HGD: variants seen among roughly 807,000 people sequenced by gnomAD.
The protein encoded by HGD is homogentisate 1,2-dioxygenase.
A neutral mutation model predicts 60.8 loss-of-function variants in HGD; 61 were observed. The observed-to-expected ratio is 1.00, with a 90% CI of 0.82 to 1.24. The LOEUF (loss-of-function observed/expected upper bound fraction) is 1.24, where lower values mean the gene tolerates loss of function less well. Among genes scored for constraint, HGD ranks in the 50% most tolerant of loss-of-function variants. The pLI, the probability that HGD is intolerant of heterozygous loss-of-function variation, is 0.00. For synonymous variants in HGD, 212 were observed against 187.7 expected, an observed-to-expected ratio of 1.13 and a Z score of -1.06; for missense variants, 542 against 547.1, an observed-to-expected ratio of 0.99 and a Z score of 0.09.
intron 4 of HGD, among the ~76,000 whole-genome samples, chr3:120,663,312 A>T (rs936815316): frequency 1.3e-5 from 2 of 152,140 alleles, no homozygotes; most frequent in Non-Finnish European, 2.9e-5. Flanking sequence ...GTCCATTTTT[A>T]TGCTGCTGAT....
chr3:120,630,857 C>T (rs1326465113), intron 13 of HGD, among the ~76,000 whole-genome samples: 3 of 147,814 alleles, frequency 2.0e-5, no homozygotes, highest in Non-Finnish European at 1.5e-5. Flanking sequence ...CACACACACA[C>T]ACACACACAC....
chr3:120,668,869 C>T lies in HGD; in HGVS notation c.282+1558G>A, dbSNP rs567067684. On this transcript the variant is annotated intron_variant, in intron 4 of 13. Transcript: ENST00000283871. ...TCCTGCCCTACATACCTATTATCAG[C>T]AACATGTACCTAAACTCAGGGACAA... Among the ~76,000 whole-genome samples the T allele has an allele frequency of 3.5e-4, 54 of 152,236 alleles. 1 individual carries two copies. The South Asian group carries it at 0.011, about 32-fold the overall frequency.
intron 3 of HGD, chr3:120,674,679 AT>A: frequency 2.0e-6 from 1 of 505,474 alleles, no homozygotes; most frequent in Non-Finnish European, 3.7e-6. Context: ...GGACATGTGT[AT>A]TTTCCCAGCT....
Position 120,646,248 on chromosome 3 carries a change from G to A in HGD, c.649+19C>T, listed in dbSNP as rs776007152. 7.0e-7 allele frequency: 1 copy of A among 1,433,322 alleles called. No individual in the cohort carries two copies. The highest frequency in any genetic ancestry group is 1.1e-5 in the South Asian group (1 of 87,424). 88.8% of individuals were successfully genotyped at this position (1,433,322 alleles called of 1,614,324 possible). ...CCTACATCTCAAGCGAGGCTTAGAG[G>A]CTTGTAATGAAGATTTACCAATTGG... On this transcript the variant is annotated intron_variant, in intron 9 of 13. Coordinates refer to ENST00000283871, the MANE Select transcript of HGD (RefSeq NM_000187.4).
chr3:120,654,406 C>T (rs1207269768), intron 4 of HGD, among the ~76,000 whole-genome samples: 1 of 152,152 alleles, frequency 6.6e-6, no homozygotes, highest in East Asian at 1.9e-4. Context: ...TATAAAAGTT[C>T]TTCTAATGTG....
intron 11 of HGD, among the ~76,000 whole-genome samples, chr3:120,640,845 A>G (rs1011300607): frequency 2.0e-5 from 3 of 152,306 alleles, no homozygotes; most frequent in Non-Finnish European, 1.5e-5. Context: ...CTGGCTCACA[A>G]TAATCCTTTT....
chr3:120,632,307 G>A (rs528384144), intron 13 of HGD, among the ~76,000 whole-genome samples: 1 of 152,110 alleles, frequency 6.6e-6, no homozygotes, highest in Admixed American at 6.5e-5. Flanking sequence ...AGCATTGAAG[G>A]CATTTATTTT....
chr3:120,642,606 A>G (rs1459276960), intron 10 of HGD, among the ~76,000 whole-genome samples: 1 of 152,212 alleles, frequency 6.6e-6, no homozygotes, highest in Non-Finnish European at 1.5e-5. Flanking sequence ...TTTTCTAGCT[A>G]CCAGTATGAC....
At chr3:120,680,707 C>T (rs1240686091) in intron 1 of HGD, among the ~76,000 whole-genome samples, 1 of 152,166 alleles carries the variant, frequency 6.6e-6, no homozygotes, top group Non-Finnish European at 1.5e-5. Context: ...ATCCATAAAT[C>T]CAACCACCGC....
intron 1 of HGD, among the ~76,000 whole-genome samples, chr3:120,678,690 A>T (rs889370518): frequency 6.6e-6 from 1 of 152,240 alleles, no homozygotes; most frequent in African/African-American, 2.4e-5. Context: ...GCTGCAGGGC[A>T]TTGGCTAAAG....
In HGD at chr3:120,650,774, C is replaced by T; in HGVS notation, c.434G>A (p.Arg145Lys). 6.2e-7 allele frequency: 1 copy of T among 1,611,988 alleles called. No homozygotes were observed. ...IFLCNTSMENRCFYNSDGDFL... is the reference protein window; with the variant it reads ...IFLCNTSMENKCFYNSDGDFL... ...CCTTCCCTAGAACTGAGCCACTTAC[C>T]TGTTCTCCATGGAGGTATTGCAGAG... The change falls in exon 6 of 14, where the codon AGA (arginine) becomes AAA (lysine). Residue 145 changes from arginine to lysine, a missense_variant and splice_region_variant. By Grantham distance (26) the Arg-to-Lys change is conservative. Coordinates refer to ENST00000283871, the MANE Select transcript of HGD (RefSeq NM_000187.4).
chr3:120,638,736 T>C (rs1230668042), intron 11 of HGD, among the ~76,000 whole-genome samples, 155 bp from the exon 12 acceptor site: 1 of 152,198 alleles, frequency 6.6e-6, no homozygotes, highest in African/African-American at 2.4e-5. Context: ...GGGATACATA[T>C]GCAGTTTTGT....
At chr3:120,630,825 T>TATATATATATATATATATATATATACAC (rs1491569082) in intron 13 of HGD, among the ~76,000 whole-genome samples, 2 of 104,120 alleles carry the variant, frequency 1.9e-5, no homozygotes, top group Non-Finnish European at 1.8e-5. Context: ...TATATATATA[T>TATATATATATATATATATATATATACAC]ACACATACAC....
At chr3:120,633,545 T>C in intron 12 of HGD, 1 of 1,484,090 alleles carries the variant, frequency 6.7e-7, no homozygotes, top group South Asian at 1.2e-5. Context: ...CCATGTGGAT[T>C]ATCAGAGGTC....
intron 3 of HGD, among the ~76,000 whole-genome samples, chr3:120,670,895 A>G (rs1708012399): frequency 1.3e-5 from 2 of 152,256 alleles, no homozygotes; most frequent in Non-Finnish European, 2.9e-5. Context: ...TTATGTGTGT[A>G]TCATAGGATG....
intron 3 of HGD, chr3:120,674,627 A>C (rs991543520): frequency 6.7e-5 from 26 of 387,718 alleles, no homozygotes; most frequent in African/African-American, 5.2e-4. Flanking sequence ...ACTATTAGGA[A>C]TATTTCCTTC....
intron 2 of HGD, 50 bp from the exon 3 acceptor site, chr3:120,675,039 C>T (rs779269842): frequency 3.2e-6 from 4 of 1,268,582 alleles, no homozygotes; most frequent in Non-Finnish European, 3.5e-6. Context: ...GAAAAGCATC[C>T]CACCTTCCCA....
intron 12 of HGD, 103 bp downstream of exon 12, chr3:120,638,352 G>T: frequency 1.4e-6 from 2 of 1,381,132 alleles, no homozygotes; most frequent in Non-Finnish European, 2.1e-6. Flanking sequence ...TCATGCCATG[G>T]TGGGTGTCCA....
At chr3:120,667,230 G>A (rs1458876831) in intron 4 of HGD, among the ~76,000 whole-genome samples, 2 of 148,978 alleles carry the variant, frequency 1.3e-5, no homozygotes, top group African/African-American at 5.0e-5. Context: ...GGGGACTGAG[G>A]TAGGAGGATC....
Sources: allele counts gnomAD v4.1 joint callset (sites outside exome capture counted in the v4.1 genomes callset), GRCh38; gene constraint gnomAD v4.1.1; transcripts MANE v1.5; gene names NCBI Gene and HGNC (gene_info 2026-07-23, HGNC 2026-07-21).